Variants in CFLAR observed in about 807,000 individuals in gnomAD.
The protein encoded by CFLAR is CASP8 and FADD-like apoptosis regulator.
A neutral mutation model predicts 51.1 loss-of-function variants in CFLAR; 14 were observed. The ratio of observed to expected loss-of-function variants is 0.27; its 90% CI spans 0.18 to 0.43. The LOEUF (loss-of-function observed/expected upper bound fraction) is 0.43, where lower values mean the gene tolerates loss of function less well. Ranked by LOEUF, CFLAR falls within the 20% of genes least tolerant of loss-of-function variation. CFLAR has a pLI of 1.00. For missense variants in CFLAR, 390 were observed against 566.5 expected (o/e 0.69, Z 3.16); for synonymous variants, 210 against 211.6 (o/e 0.99, Z 0.06).
intron 5 of CFLAR, 178 bp downstream of exon 5, chr2:201,140,617 G>T: frequency 1.8e-6 from 1 of 544,610 alleles, no homozygotes; most frequent in East Asian, 3.3e-5. Flanking sequence ...CATGTTCATT[G>T]AGATATTTGG....
Position 201,176,278 on chromosome 2 carries a change from C to CGGGGGGGGGGG in CFLAR, c.*12307_*12317dup, listed in dbSNP as rs150924424. ...GATCAGTCTCAGGTGTTTTCTATTG[C>CGGGGGGGGGGG]GGGGGGGGGGGGCGGGCGGGGGAGC... is the stretch of plus-strand genomic sequence containing the variant. On this transcript the variant is annotated 3_prime_UTR_variant, in exon 10 of 10. Transcript: ENST00000309955. 1 of 37,708 alleles carries CGGGGGGGGGGG rather than the reference C, an allele frequency of 2.7e-5. No individual in the cohort carries two copies. The highest frequency in any genetic ancestry group is 4.9e-5 in the Non-Finnish European group (1 of 20,406). 2.3% of individuals were successfully genotyped at this position (37,708 alleles called of 1,614,324 possible).
chr2:201,161,419 T>A (rs564133547), intron 9 of CFLAR, among the ~76,000 whole-genome samples: 4,096 of 130,474 alleles, frequency 0.031, 97 homozygotes, highest in Middle Eastern at 0.086. Flanking sequence ...TATTTTTATT[T>A]ATTTTTTTTT....
intron 2 of CFLAR, 36 bp downstream of exon 2, chr2:201,130,182 G>GT: frequency 3.7e-6 from 5 of 1,341,124 alleles, no homozygotes; most frequent in African/African-American, 1.5e-5. Flanking sequence ...TGGGTGGGTG[G>GT]GAGGGAGTGA....
chr2:201,162,553 T>C (rs1943162442), intron 9 of CFLAR: 1 of 189,966 alleles, frequency 5.3e-6, no homozygotes, highest in Non-Finnish European at 1.1e-5. Context: ...TCTCTTTCTC[T>C]GAAGGTATCT....
chr2:201,152,300 A>AT (rs1162652239), intron 8 of CFLAR, among the ~76,000 whole-genome samples: 1 of 151,838 alleles, frequency 6.6e-6, no homozygotes, highest in African/African-American at 2.4e-5. Context: ...TCGGCTTCTA[A>AT]TTTTTTTTAA....
At position 201,145,413 on chromosome 2, in the gene CFLAR, G is replaced by A. The variant is rs1305323737; in HGVS notation, c.642G>A (p.Lys214=). ...GGAGAAGTAAAGAACAAAGACTTAA[G>A]GAACAGCTTGGCGCTCAACGTAAGA... ...HNGRSKEQRL[K]EQLGAQQEPV... The change falls in exon 6 of 10, where the codon AAG becomes AAA. Residue 214 remains lysine (K), a synonymous_variant. Coordinates refer to ENST00000309955, the MANE Select transcript of CFLAR (RefSeq NM_003879.7). 1.2e-6 allele frequency: 2 copies of A among 1,607,414 alleles called. No individual in the cohort carries two copies. The highest frequency in any genetic ancestry group is 2.2e-5 in the South Asian group (2 of 90,534).
At chr2:201,132,626 C>T (rs531781402) in intron 2 of CFLAR, among the ~76,000 whole-genome samples, 1 of 152,192 alleles carries the variant, frequency 6.6e-6, no homozygotes, top group East Asian at 1.9e-4. Context: ...GTCCTTGAAT[C>T]AACATCACCT....
Position 201,174,180 on chromosome 2 carries a change from C to T in CFLAR, c.*10207C>T, listed in dbSNP as rs1442630069. On this transcript the variant is annotated 3_prime_UTR_variant, in exon 10 of 10. Transcript: ENST00000309955. ...ATTGCTTATGCTTTTGGTGTCATAC[C>T]TAAAAAACCATTGTCTAAATCAATT... The T allele has an allele frequency of 2.0e-5, 3 of 150,114 alleles. No homozygotes were observed. Among genetic ancestry groups the T allele is most frequent in the South Asian group, 2.1e-4 (1 of 4,822 alleles). The allele number at this position is 150,114 out of a possible 1,614,324, so 9.3% of individuals were successfully genotyped here. A position where few individuals can be genotyped will look rare whatever the true frequency, so the allele number is the denominator to read the frequency against.
chr2:201,136,266 A>G, intron 4 of CFLAR, 159 bp downstream of exon 4: 3 of 1,601,198 alleles, frequency 1.9e-6, no homozygotes, highest in South Asian at 1.1e-5. Context: ...GTCCCTTTAT[A>G]TTCTTCATAT....
intron 4 of CFLAR, chr2:201,139,037 T>C (rs550821088): frequency 2.2e-6 from 1 of 445,578 alleles, no homozygotes; most frequent in South Asian, 1.7e-5. Context: ...ATTGTTACTG[T>C]GTCTGTGTAG....
At chr2:201,154,748 C>T (rs1229846893) in intron 8 of CFLAR, among the ~76,000 whole-genome samples, 1 of 152,224 alleles carries the variant, frequency 6.6e-6, no homozygotes, top group Non-Finnish European at 1.5e-5. Context: ...GACTTTTATC[C>T]AAAAAGCATG....
In CFLAR at chr2:201,166,287, G is replaced by C. The variant is rs1210814589; in HGVS notation, c.*2314G>C. The C allele has an allele frequency of 6.3e-6, 1 of 159,906 alleles. No homozygotes were observed. The highest frequency in any genetic ancestry group is 1.4e-5 in the Non-Finnish European group (1 of 73,860). The allele number at this position is 159,906 out of a possible 1,614,324, so 9.9% of individuals were successfully genotyped here. ...ACCCCCACGCCTCCCTCCCGGACGGGGCGGCTGCCAGGCGGAGGGGCTCCT... is the reference window on the plus strand; with the variant it reads ...ACCCCCACGCCTCCCTCCCGGACGGCGCGGCTGCCAGGCGGAGGGGCTCCT... On this transcript the variant is annotated 3_prime_UTR_variant, in exon 10 of 10. Coordinates refer to ENST00000309955, the MANE Select transcript of CFLAR (RefSeq NM_003879.7).
At chr2:201,154,718 C>T (rs1373945355) in intron 8 of CFLAR, 1 of 152,226 alleles carries the variant, frequency 6.6e-6, no homozygotes, top group African/African-American at 2.4e-5. Flanking sequence ...CCTATCTTCC[C>T]TTCTCTCCTC....
intron 8 of CFLAR, chr2:201,157,856 C>T (rs1159726139): frequency 6.6e-6 from 1 of 152,274 alleles, no homozygotes; most frequent in African/African-American, 2.4e-5. Context: ...ACCTCACCAC[C>T]TCATAGAGGA....
Position 201,166,102 on chromosome 2 carries a change from C to T in CFLAR, c.*2129C>T, listed in dbSNP as rs2125965315. 5.7e-6 allele frequency: 1 copy of T among 174,636 alleles called. No homozygotes were observed. Among genetic ancestry groups the T allele is most frequent in the East Asian group, 1.7e-4 (1 of 5,760 alleles). 10.8% of individuals were successfully genotyped at this position (174,636 alleles called of 1,614,324 possible). A position where few individuals can be genotyped will look rare whatever the true frequency, so the allele number is the denominator to read the frequency against. On this transcript the variant is annotated 3_prime_UTR_variant, in exon 10 of 10. Coordinates refer to ENST00000309955, the MANE Select transcript of CFLAR (RefSeq NM_003879.7). The stretch of plus-strand genomic sequence containing the variant: ...TCTCAATGAGCTGTTGGGTACACCT[C>T]CCAGACGGGGTGGCGGCTGGGCAGA...
intron 4 of CFLAR, chr2:201,136,791 C>T (rs1162959264): frequency 6.4e-6 from 2 of 311,568 alleles, no homozygotes; most frequent in Non-Finnish European, 1.2e-5. Flanking sequence ...CATTTATACT[C>T]CATTCTTGTT....
At chr2:201,140,279 T>G (rs566264632) in intron 4 of CFLAR, 78 bp from the exon 5 acceptor site, 1 of 1,555,704 alleles carries the variant, frequency 6.4e-7, no homozygotes, top group South Asian at 1.2e-5. Flanking sequence ...TGATTGACCT[T>G]GGACTGAACC....
At position 201,160,932 on chromosome 2, in the gene CFLAR, A is replaced by C. The variant is rs200451190; in HGVS notation, c.1294A>C (p.Arg432=). ...LYLQCLSQKL[R]QERKRPLLDL... ...CCTGCAGTGCCTCTCCCAGAAACTG[A>C]GACAAGAAAGGTGAGCCCCCAGGAG... Residue 432 remains arginine (R), a synonymous_variant, in exon 9 of 10, where the codon AGA becomes CGA. Transcript: ENST00000309955. 8 of 1,611,588 alleles carry C rather than the reference A, an allele frequency of 5.0e-6. No homozygotes were observed. The East Asian group carries it at 1.8e-4, about 36-fold the overall frequency.
intron 2 of CFLAR, among the ~76,000 whole-genome samples, chr2:201,132,342 T>C (rs998406855): frequency 2.0e-5 from 3 of 151,854 alleles, no homozygotes; most frequent in Non-Finnish European, 4.4e-5. Context: ...GACAATGTCA[T>C]GGTAACAATA....
Sources: gnomAD v4.1 joint callset for allele counts (sites outside exome capture counted in the v4.1 genomes callset) on GRCh38, gnomAD v4.1.1 for gene constraint, MANE v1.5 for transcripts, NCBI Gene and HGNC (gene_info 2026-07-23, HGNC 2026-07-21) for gene names.